CNIH3: variants seen among roughly 807,000 people sequenced by gnomAD.
The protein encoded by CNIH3 is cornichon family AMPA receptor auxiliary protein 3, also known as protein cornichon homolog 3.
Under a neutral mutation model 24.1 loss-of-function variants are expected in CNIH3, and 14 were observed. That is an observed-to-expected ratio of 0.58 (90% confidence interval 0.38 to 0.91). The LOEUF (loss-of-function observed/expected upper bound fraction) is 0.91. Among genes scored for constraint, CNIH3 ranks in the 40% least tolerant of loss-of-function variants. The pLI is 0.00. For synonymous variants in CNIH3, 68 were observed against 73.8 expected, an observed-to-expected ratio of 0.92 and a Z score of 0.40; for missense variants, 178 against 196.8, an observed-to-expected ratio of 0.90 and a Z score of 0.57.
At chr1:224,644,668 CACAGATACCTG>C (rs757906564) in intron 1 of CNIH3, among the ~76,000 whole-genome samples, 96 of 152,308 alleles carry the variant, frequency 6.3e-4, no homozygotes, top group Non-Finnish European at 1.1e-3. Flanking sequence ...TCCTTTATCC[CACAGATACCTG>C]ACTGCTGTAT....
chr1:224,687,612 T>C (rs915726816), intron 3 of CNIH3, among the ~76,000 whole-genome samples: 4 of 152,162 alleles, frequency 2.6e-5, no homozygotes, highest in Non-Finnish European at 5.9e-5. Flanking sequence ...TAACAATTGG[T>C]TATTAGTTCT....
chr1:224,715,547 G>T (rs1688382434), intron 3 of CNIH3, among the ~76,000 whole-genome samples: 2 of 152,214 alleles, frequency 1.3e-5, no homozygotes, highest in Admixed American at 1.3e-4. Flanking sequence ...AATACCTGAA[G>T]TTGGACAATT....
At chr1:224,514,854 C>T (rs1678315359), upstream of CNIH3, among the ~76,000 whole-genome samples, 2 of 152,120 alleles carry the variant, frequency 1.3e-5, no homozygotes, top group African/African-American at 4.8e-5. Context: ...AAAAACAAAA[C>T]CCCCATTAAA....
At chr1:224,440,777 ACTC>A (rs1674868081) in intron 1 of CNIH3, among the ~76,000 whole-genome samples, 2 of 146,978 alleles carry the variant, frequency 1.4e-5, no homozygotes, top group African/African-American at 5.1e-5. Flanking sequence ...ATTTAATACT[ACTC>A]CTTGGTGTTT....
Position 224,523,549 on chromosome 1 carries a change from G to A in CNIH3, n.343+2222G>A, listed in dbSNP as rs143331622. ...GGAGACCTTTGAGGACAGGGGAAAGGGTTGGTGATAGGAAGGGGAAAAGAG... is the reference window on the plus strand; with the variant it reads ...GGAGACCTTTGAGGACAGGGGAAAGAGTTGGTGATAGGAAGGGGAAAAGAG... On this transcript the variant is annotated intron_variant and non_coding_transcript_variant, in intron 2 of 2. Coordinates refer to the CNIH3 transcript ENST00000470602. 1.1e-3 allele frequency among the ~76,000 whole-genome samples: 161 copies of A among 152,242 alleles called. 2 individuals are homozygous for A. The East Asian group carries it at 0.026, about 25-fold the overall frequency.
intron 1 of CNIH3, chr1:224,434,939 C>T (rs1246791391): frequency 1.0e-6 from 1 of 985,574 alleles, no homozygotes; most frequent in Non-Finnish European, 1.2e-6. Context: ...GGGAGGCCAG[C>T]GGGCCGGCGG....
At chr1:224,716,227 C>T (rs1241245880) in intron 3 of CNIH3, among the ~76,000 whole-genome samples, 1 of 152,218 alleles carries the variant, frequency 6.6e-6, no homozygotes, top group Non-Finnish European at 1.5e-5. Flanking sequence ...TCTTCTACTT[C>T]AGCTTTGATT....
At chr1:224,547,903 A>G (rs895598647) in intron 3 of CNIH3, among the ~76,000 whole-genome samples, 1 of 151,618 alleles carries the variant, frequency 6.6e-6, no homozygotes, top group Non-Finnish European at 1.5e-5. Flanking sequence ...GATATTGTTT[A>G]TAGTATCTAA....
intron 3 of CNIH3, among the ~76,000 whole-genome samples, chr1:224,706,981 T>TTTG (rs1687851575): frequency 1.2e-5 from 1 of 81,836 alleles, no homozygotes; most frequent in African/African-American, 3.7e-5. Flanking sequence ...TTTTTTTTTT[T>TTTG]GAGACAGAGT....
At position 224,715,459 on chromosome 1, in the gene CNIH3, G is replaced by A. The variant is rs546174953; in HGVS notation, c.199-15003G>A. ...CAGAACCTTCAAATTCCTCTTCTGA[G>A]AACCAGTCCTCAACATCCAACTGCC... On this transcript the variant is annotated intron_variant, in intron 3 of 5. Transcript: ENST00000272133. Among the ~76,000 whole-genome samples, 588 of 152,288 alleles carry A rather than the reference G, an allele frequency of 3.9e-3. 4 individuals are homozygous for A. The highest frequency in any genetic ancestry group is 0.014 in the African/African-American group (569 of 41,566).
At chr1:224,694,957 G>A (rs1005509990) in intron 3 of CNIH3, among the ~76,000 whole-genome samples, 1 of 152,064 alleles carries the variant, frequency 6.6e-6, no homozygotes, top group Admixed American at 6.5e-5. Context: ...GAGGGGGTGA[G>A]GGATAAAAGA....
intron 5 of CNIH3, among the ~76,000 whole-genome samples, chr1:224,584,861 A>G (rs1049676021): frequency 6.6e-6 from 1 of 152,236 alleles, no homozygotes; most frequent in Non-Finnish European, 1.5e-5. Flanking sequence ...CCCAGCATTA[A>G]GTCTATGAGG....
chr1:224,457,918 A>C (rs1675747507), intron 1 of CNIH3, among the ~76,000 whole-genome samples: 1 of 152,228 alleles, frequency 6.6e-6, no homozygotes, highest in African/African-American at 2.4e-5. Context: ...GTATACCAGA[A>C]GCTATACATG....
At chr1:224,524,808 G>T (rs747522020) in intron 2 of CNIH3, among the ~76,000 whole-genome samples, 1 of 152,150 alleles carries the variant, frequency 6.6e-6, no homozygotes, top group African/African-American at 2.4e-5. Context: ...TCCCAACCGA[G>T]ATTGTGTGGT....
In CNIH3 at chr1:224,734,694, A is replaced by T; in HGVS notation, c.443A>T (p.Tyr148Phe). 4 of 1,614,106 alleles carry T rather than the reference A, an allele frequency of 2.5e-6. No individual in the cohort carries two copies. The highest frequency in any genetic ancestry group is 3.4e-6 in the Non-Finnish European group (4 of 1,179,996). ...KLAFYLLSFF[Y>F]YLYCMIYTLV... The stretch of plus-strand genomic sequence containing the variant: ...GCCTTCTATCTCCTCTCCTTCTTCT[A>T]CTACCTTTACTGGTGAGTATCTGCC... The change falls in exon 5 of 6, where the codon TAC becomes TTC. Residue 148 changes from tyrosine to phenylalanine, a missense_variant. Physicochemically the swap from Tyr to Phe is conservative, Grantham distance 22 (BLOSUM62 3). Coordinates refer to ENST00000272133, the MANE Select transcript of CNIH3 (RefSeq NM_152495.2).
intron 3 of CNIH3, among the ~76,000 whole-genome samples, chr1:224,711,177 ATAAT>A (rs1246098515): frequency 6.6e-6 from 1 of 152,246 alleles, no homozygotes; most frequent in Non-Finnish European, 1.5e-5. Flanking sequence ...TGAATATGTC[ATAAT>A]TAATTAATAA....
At chr1:224,497,648 T>A (rs11584057) in intron 1 of CNIH3, among the ~76,000 whole-genome samples, 22,874 of 152,228 alleles carry the variant, frequency 0.15, 2,337 homozygotes, top group Non-Finnish European at 0.22. Context: ...CAACTTTTTT[T>A]ATGTGTTGCT....
intron 1 of CNIH3, among the ~76,000 whole-genome samples, chr1:224,462,879 T>C (rs1448460124): frequency 6.6e-6 from 1 of 150,744 alleles, no homozygotes; most frequent in Admixed American, 6.7e-5. Flanking sequence ...CTGCCTTGGT[T>C]TCCCAAAATA....
intron 3 of CNIH3, among the ~76,000 whole-genome samples, chr1:224,548,069 A>G (rs1679772286): frequency 6.6e-6 from 1 of 152,068 alleles, no homozygotes; most frequent in African/African-American, 2.4e-5. Flanking sequence ...ACTTCTCCTA[A>G]TATCACAGTG....
Sources: allele counts gnomAD v4.1 joint callset (sites outside exome capture counted in the v4.1 genomes callset), GRCh38; gene constraint gnomAD v4.1.1; transcripts MANE v1.5; gene names NCBI Gene and HGNC (gene_info 2026-07-23, HGNC 2026-07-21).